The following HTR4 variants were observed in gnomAD, a reference collection of about 807,000 sequenced individuals.
HTR4 encodes the protein 5-hydroxytryptamine receptor 4, also known as 5-hydroxytryptamine (serotonin) receptor 4, G protein-coupled.
In HTR4, 16 loss-of-function variants were observed where a neutral mutation model predicts 36.8. The observed-to-expected ratio is 0.43, with a 90% confidence interval of 0.29 to 0.66. The LOEUF (loss-of-function observed/expected upper bound fraction) is 0.66. Among genes scored for constraint, HTR4 ranks in the 30% least tolerant of loss-of-function variants. The pLI, the probability that HTR4 is intolerant of heterozygous loss-of-function variation, is 0.13. For missense variants in HTR4, 438 were observed against 490.9 expected (o/e 0.89, Z 1.02); for synonymous variants, 189 against 185.1 (o/e 1.02, Z -0.17).
chr5:148,532,014 G>A (rs1446325334), intron 4 of HTR4, among the ~76,000 whole-genome samples: 1 of 152,130 alleles, frequency 6.6e-6, no homozygotes, highest in Non-Finnish European at 1.5e-5. Context: ...AACAATACTG[G>A]TCTATGTCAG....
intron 5 of HTR4, among the ~76,000 whole-genome samples, chr5:148,521,481 A>C (rs1325011601): frequency 6.6e-6 from 1 of 151,672 alleles, no homozygotes; most frequent in Non-Finnish European, 1.5e-5. Flanking sequence ...CTTTGGACTC[A>C]AACTAAAACA....
chr5:148,534,114 T>A (rs1311172207), intron 4 of HTR4, among the ~76,000 whole-genome samples: 1 of 152,110 alleles, frequency 6.6e-6, no homozygotes, highest in African/African-American at 2.4e-5. Context: ...AGCTGCTGAG[T>A]TTTGATGTAG....
chr5:148,533,964 C>G (rs1298156295), intron 4 of HTR4, among the ~76,000 whole-genome samples: 1 of 152,188 alleles, frequency 6.6e-6, no homozygotes, highest in Admixed American at 6.5e-5. Flanking sequence ...GGTTCAACAT[C>G]TTTCCCTAAC....
At chr5:148,611,941 A>G (rs1260261332) in intron 2 of HTR4, among the ~76,000 whole-genome samples, 1 of 152,174 alleles carries the variant, frequency 6.6e-6, no homozygotes, top group Non-Finnish European at 1.5e-5. Context: ...AGGCCATTAC[A>G]TAATGGTAAA....
At chr5:148,553,997 A>G (rs79019973) in intron 2 of HTR4, among the ~76,000 whole-genome samples, 1,633 of 152,366 alleles carry the variant, frequency 0.011, 24 homozygotes, top group Admixed American at 0.016. Flanking sequence ...TTAATAGATA[A>G]GTGAATAAAT....
chr5:148,521,164 A>C (rs1757996238), intron 5 of HTR4, among the ~76,000 whole-genome samples: 1 of 152,208 alleles, frequency 6.6e-6, no homozygotes, highest in South Asian at 2.1e-4. Flanking sequence ...AAGAATCCAG[A>C]TCATAGATTT....
Position 148,538,734 on chromosome 5 carries a change from G to T in HTR4, c.353+9934C>A, listed in dbSNP as rs909793970. ...TCAAAGAAATCAGAGATGACACAAA[G>T]AAATGGAAAAACATTGCATGTTCAT... On this transcript the variant is annotated intron_variant, in intron 4 of 6. Transcript: ENST00000377888. Among the ~76,000 whole-genome samples the T allele has an allele frequency of 1.3e-5, 2 of 152,016 alleles. 1 individual carries two copies. The highest frequency in any genetic ancestry group is 4.1e-4 in the South Asian group (2 of 4,824).
intron 1 of HTR4, among the ~76,000 whole-genome samples, chr5:148,646,938 C>A (rs529228639): frequency 6.7e-4 from 102 of 152,326 alleles, no homozygotes; most frequent in Middle Eastern, 3.4e-3. Flanking sequence ...TCTCAATGAT[C>A]CCCTATCTCA....
In HTR4 at chr5:148,467,897, A is replaced by G. The variant is rs189286590; in HGVS notation, c.1077-16625T>C. On this transcript the variant is annotated intron_variant, in intron 5 of 5. Transcript: ENST00000521530. Reference sequence around the variant, plus strand: ...ATTATTTTGTTTTCTACTCACCACAAACCCTTGAGGTTGGTATGGTGAAAA... The same window carrying G: ...ATTATTTTGTTTTCTACTCACCACAGACCCTTGAGGTTGGTATGGTGAAAA... Among the ~76,000 whole-genome samples the G allele has an allele frequency of 2.1e-4, 32 of 152,338 alleles. No individual in the cohort carries two copies. In the East Asian group the frequency reaches 5.8e-3, roughly 28 times the overall value.
At chr5:148,522,539 T>C (rs572243101) in intron 5 of HTR4, among the ~76,000 whole-genome samples, 1 of 152,316 alleles carries the variant, frequency 6.6e-6, no homozygotes, top group South Asian at 2.1e-4. Flanking sequence ...GTATTTAGCA[T>C]ACTCTCTGGC....
intron 5 of HTR4, among the ~76,000 whole-genome samples, chr5:148,465,444 C>T (rs145969191): frequency 2.0e-5 from 3 of 152,212 alleles, no homozygotes; most frequent in African/African-American, 2.4e-5. Context: ...TATTTAGTCA[C>T]GATCAATTGT....
chr5:148,509,461 T>G lies in HTR4; in HGVS notation c.1071A>C (p.Val357=). 1 of 1,605,260 alleles carries G rather than the reference T, an allele frequency of 6.2e-7. No individual in the cohort carries two copies. The highest frequency in any genetic ancestry group is 8.5e-7 in the Non-Finnish European group (1 of 1,174,736). The change falls in exon 6 of 7, where the codon GTA becomes GTC. Residue 357 remains valine (V), a synonymous_variant. Coordinates refer to ENST00000377888, the MANE Select transcript of HTR4 (RefSeq NM_000870.7). The part of the protein sequence containing the change: ...STTTINGSTH[V]LRDAVECGGQ... ...AACTCCCTTAGTATACTCACCTTAG[T>G]ACATGTGTGGATCCATTAATGGTTG... is the stretch of plus-strand genomic sequence containing the variant.
At chr5:148,537,293 C>T (rs1283574434) in intron 4 of HTR4, among the ~76,000 whole-genome samples, 2 of 151,922 alleles carry the variant, frequency 1.3e-5, no homozygotes, top group African/African-American at 2.4e-5. Context: ...TTATAAAGAT[C>T]TCAAATGAAC....
intron 4 of HTR4, among the ~76,000 whole-genome samples, chr5:148,540,455 T>A (rs1224203218): frequency 7.1e-6 from 1 of 140,078 alleles, no homozygotes; most frequent in South Asian, 2.2e-4. Context: ...TATAATCTTA[T>A]ATATAATTTT....
chr5:148,648,304 A>G (rs1352904400), intron 1 of HTR4, among the ~76,000 whole-genome samples: 3 of 151,958 alleles, frequency 2.0e-5, no homozygotes, highest in African/African-American at 4.9e-5. Flanking sequence ...AAGATGGGAT[A>G]CAATCTGTGA....
At chr5:148,480,074 A>G (rs2113713750), downstream of HTR4, among the ~76,000 whole-genome samples, 1 of 152,294 alleles carries the variant, frequency 6.6e-6, no homozygotes, top group East Asian at 1.9e-4. Context: ...GGATTTGTAT[A>G]TATATAATTT....
At chr5:148,598,013 G>A (rs1490554318) in intron 2 of HTR4, among the ~76,000 whole-genome samples, 3 of 152,190 alleles carry the variant, frequency 2.0e-5, no homozygotes, top group Non-Finnish European at 4.4e-5. Context: ...TTATGAAAAG[G>A]GAGGCAAAAT....
At chr5:148,476,531 G>C (rs1755702116), downstream of HTR4, 1 of 1,348,520 alleles carries the variant, frequency 7.4e-7, no homozygotes, top group Admixed American at 3.6e-5. Context: ...AGTGGGTGGA[G>C]TACTAATGGC....
intron 5 of HTR4, among the ~76,000 whole-genome samples, chr5:148,470,733 G>A (rs1265013461): frequency 2.6e-5 from 4 of 152,106 alleles, no homozygotes; most frequent in African/African-American, 9.7e-5. Flanking sequence ...CTGCTGCCCA[G>A]GCTAGAGTGC....
Sources: allele counts gnomAD v4.1 joint callset (sites outside exome capture counted in the v4.1 genomes callset), GRCh38; gene constraint gnomAD v4.1.1; transcripts MANE v1.5; gene names NCBI Gene and HGNC (gene_info 2026-07-23, HGNC 2026-07-21).